Variants in IPP observed in about 807,000 individuals in gnomAD.
IPP encodes intracisternal A particle-promoted polypeptide.
A neutral mutation model predicts 64.1 loss-of-function variants in IPP; 41 were observed. The observed-to-expected ratio is 0.64, with a 90% CI of 0.50 to 0.83. The LOEUF (loss-of-function observed/expected upper bound fraction) is 0.83. Among genes scored for constraint, IPP ranks in the 40% least tolerant of loss-of-function variants. IPP has a pLI of 0.00. For synonymous variants in IPP, 214 were observed against 235.2 expected (o/e 0.91, Z 0.83); for missense variants, 649 against 703.0 (o/e 0.92, Z 0.87).
At chr1:45,721,327 C>A (rs1011568458) in intron 5 of IPP, among the ~76,000 whole-genome samples, 2 of 152,172 alleles carry the variant, frequency 1.3e-5, no homozygotes, top group African/African-American at 4.8e-5. Flanking sequence ...GCTGAACACA[C>A]GCTTTCCTTC....
chr1:45,714,343 A>G lies in IPP; in HGVS notation c.1433T>C (p.Leu478Pro), dbSNP rs2148556991. Reference protein sequence around the residue: ...LPPMGTRRAYLGVAALNDCIY... With the variant: ...LPPMGTRRAYPGVAALNDCIY... The stretch of plus-strand genomic sequence containing the variant: ...GCAGTCATTGAGTGCAGCCACACCA[A>G]GATATGCTCTCCTGGTTCCCATTGG... The change falls in exon 8 of 9, where the codon CTT becomes CCT. Residue 478 changes from leucine (L) to proline (P), a missense_variant. Transcript: ENST00000396478. The G allele has an allele frequency of 6.2e-7, 1 of 1,613,660 alleles. No homozygotes were observed. The highest frequency in any genetic ancestry group is 2.2e-5 in the East Asian group (1 of 44,886).
At chr1:45,704,816 G>A (rs772203399) in intron 8 of IPP, among the ~76,000 whole-genome samples, 3 of 152,160 alleles carry the variant, frequency 2.0e-5, no homozygotes, top group Non-Finnish European at 2.9e-5. Context: ...GGGAAGAGGC[G>A]AAAGCAACTC....
chr1:45,743,593 T>C, intron 2 of IPP, among the ~76,000 whole-genome samples: 1 of 152,026 alleles, frequency 6.6e-6, no homozygotes, highest in Middle Eastern at 3.2e-3. Flanking sequence ...GTGTGTGTTG[T>C]GGTCCTACAG....
At chr1:45,725,083 C>T (rs1645796909) in intron 5 of IPP, among the ~76,000 whole-genome samples, 4 of 148,126 alleles carry the variant, frequency 2.7e-5, no homozygotes, top group Admixed American at 2.0e-4. Context: ...CAGCCCCCCG[C>T]CCGGCCAGCC....
chr1:45,697,007 C>T (rs949946500), downstream of IPP: 1 of 152,176 alleles, frequency 6.6e-6, no homozygotes, highest in Non-Finnish European at 1.5e-5. Context: ...TGTTTTGAAT[C>T]AGAATACAGA....
chr1:45,701,589 T>C (rs1378787503), intron 8 of IPP, among the ~76,000 whole-genome samples: 1 of 152,192 alleles, frequency 6.6e-6, no homozygotes, highest in Non-Finnish European at 1.5e-5. Flanking sequence ...ACCCAGCGAC[T>C]AGTAGTGTCT....
downstream of IPP, among the ~76,000 whole-genome samples, chr1:45,695,534 T>G (rs1375700813): frequency 6.6e-6 from 1 of 152,134 alleles, no homozygotes; most frequent in Non-Finnish European, 1.5e-5. Flanking sequence ...ATCACTCTAC[T>G]TAAGGTGGAG....
chr1:45,719,548 G>A (rs1645704013), intron 5 of IPP, among the ~76,000 whole-genome samples: 2 of 152,110 alleles, frequency 1.3e-5, no homozygotes, highest in Admixed American at 1.3e-4. Context: ...TGAAACAGAG[G>A]CACAATTTTC....
chr1:45,719,518 C>T (rs1391223422), intron 5 of IPP, among the ~76,000 whole-genome samples, 178 bp from the exon 6 acceptor site: 1 of 152,170 alleles, frequency 6.6e-6, no homozygotes, highest in Non-Finnish European at 1.5e-5. Context: ...AGAGCACTGT[C>T]ATTTATTAAA....
intron 8 of IPP, among the ~76,000 whole-genome samples, chr1:45,703,806 A>G (rs1395213518): frequency 1.3e-5 from 2 of 152,216 alleles, no homozygotes; most frequent in East Asian, 3.9e-4. Context: ...CCAGCACTTA[A>G]CACATTGTAA....
chr1:45,742,281 C>A (rs1646076858), intron 2 of IPP, among the ~76,000 whole-genome samples: 1 of 152,036 alleles, frequency 6.6e-6, no homozygotes, highest in Non-Finnish European at 1.5e-5. Context: ...TACTGATTAA[C>A]TGGGGGACAA....
intron 8 of IPP, among the ~76,000 whole-genome samples, chr1:45,704,692 T>C (rs994597045): frequency 6.6e-6 from 1 of 152,234 alleles, no homozygotes; most frequent in African/African-American, 2.4e-5. Context: ...CAGATGAATA[T>C]GTGTGTGAAA....
intron 5 of IPP, among the ~76,000 whole-genome samples, chr1:45,721,157 C>T (rs1417128880): frequency 6.6e-6 from 1 of 152,088 alleles, no homozygotes; most frequent in Non-Finnish European, 1.5e-5. Context: ...ACATAGCAGG[C>T]CTAAAAATGC....
chr1:45,710,250 C>T (rs1399434565), intron 8 of IPP, among the ~76,000 whole-genome samples: 4 of 110,070 alleles, frequency 3.6e-5, no homozygotes, highest in African/African-American at 6.7e-5. Flanking sequence ...AAGAGAGAAG[C>T]TCTTTGAGCT....
intron 3 of IPP, among the ~76,000 whole-genome samples, chr1:45,738,371 A>G (rs992664130): frequency 6.6e-6 from 1 of 151,812 alleles, no homozygotes; most frequent in African/African-American, 2.4e-5. Flanking sequence ...AATGGCCCCT[A>G]ACCATAATGT....
chr1:45,740,522 C>T (rs1271218604), intron 3 of IPP, among the ~76,000 whole-genome samples: 1 of 152,084 alleles, frequency 6.6e-6, no homozygotes, highest in East Asian at 1.9e-4. Flanking sequence ...ACCTCCCTCC[C>T]AGACAGGGCG....
chr1:45,700,325 T>C, intron 8 of IPP, 135 bp from the exon 9 acceptor site: 1 of 1,220,562 alleles, frequency 8.2e-7, no homozygotes, highest in Non-Finnish European at 1.1e-6. Context: ...AGCATACAGA[T>C]TTTTTTTTCT....
At chr1:45,723,691 A>T (rs1256924325) in intron 5 of IPP, among the ~76,000 whole-genome samples, 1 of 152,152 alleles carries the variant, frequency 6.6e-6, no homozygotes, top group Non-Finnish European at 1.5e-5. Flanking sequence ...TCTGAGTTAT[A>T]TACCCTCCAA....
At chr1:45,711,735 C>CT (rs1262940991) in intron 8 of IPP, among the ~76,000 whole-genome samples, 2 of 142,072 alleles carry the variant, frequency 1.4e-5, no homozygotes, top group African/African-American at 2.6e-5. Flanking sequence ...GCTTAGGCGT[C>CT]AGAGTAAGAC....
Sources: gnomAD v4.1 joint callset for allele counts (sites outside exome capture counted in the v4.1 genomes callset) on GRCh38, gnomAD v4.1.1 for gene constraint, MANE v1.5 for transcripts, NCBI Gene and HGNC (gene_info 2026-07-23, HGNC 2026-07-21) for gene names.